The following IL1RAPL2 variants were observed in gnomAD, a reference collection of about 807,000 sequenced individuals.
IL1RAPL2 encodes interleukin 1 receptor accessory protein like 2.
In IL1RAPL2, 3 loss-of-function variants were observed where a neutral mutation model predicts 44.1. That is an observed-to-expected ratio of 0.07 (90% confidence interval 0.03 to 0.18). The LOEUF (loss-of-function observed/expected upper bound fraction) is 0.18, where lower values mean the gene tolerates loss of function less well. Among genes scored for constraint, IL1RAPL2 ranks in the 10% least tolerant of loss-of-function variants. The pLI is 1.00. For missense variants in IL1RAPL2, 391 were observed against 496.4 expected (o/e 0.79, Z 2.02); for synonymous variants, 181 against 178.8 (o/e 1.01, Z -0.10).
chrX:104,896,573 C>T (rs1009524554), intron 2 of IL1RAPL2, among the ~76,000 whole-genome samples: 5 of 111,492 alleles, frequency 4.5e-5, no homozygotes, highest in East Asian at 2.8e-4. Context: ...ATTTTAAACA[C>T]ACCAATCAGT....
At chrX:105,713,036 T>C (rs918576520) in intron 6 of IL1RAPL2, among the ~76,000 whole-genome samples, 3 of 112,380 alleles carry the variant, frequency 2.7e-5, no homozygotes, top group African/African-American at 9.7e-5. Flanking sequence ...AGGGGTGTGC[T>C]CCCATGGCCT....
At chrX:105,241,238 T>C (rs1456646654) in intron 4 of IL1RAPL2, among the ~76,000 whole-genome samples, 1 of 111,417 alleles carries the variant, frequency 9.0e-6, no homozygotes, top group Admixed American at 9.6e-5. Flanking sequence ...CTGTCAAATA[T>C]GTTAAATGTT....
chrX:105,467,099 A>G (rs985614552), intron 5 of IL1RAPL2, among the ~76,000 whole-genome samples: 3 of 111,806 alleles, frequency 2.7e-5, no homozygotes, highest in African/African-American at 9.7e-5. Flanking sequence ...TGAGTTCCTA[A>G]CACATGAACT....
chrX:104,885,158 T>C (rs1451698888), intron 2 of IL1RAPL2, among the ~76,000 whole-genome samples: 3 of 111,677 alleles, frequency 2.7e-5, no homozygotes, highest in Non-Finnish European at 5.6e-5. Flanking sequence ...ATGAAAAGAA[T>C]GTAGCTTCAG....
chrX:104,880,215 T>C (rs899394805), intron 2 of IL1RAPL2, among the ~76,000 whole-genome samples: 6 of 111,440 alleles, frequency 5.4e-5, no homozygotes, highest in Admixed American at 9.6e-5. Context: ...AATCTTAGAA[T>C]TGGGGACATA....
intron 5 of IL1RAPL2, among the ~76,000 whole-genome samples, chrX:105,339,020 T>A (rs762259190): frequency 9.0e-6 from 1 of 111,635 alleles, no homozygotes; most frequent in African/African-American, 3.3e-5. Flanking sequence ...AGAGAATCAC[T>A]TGAACCCAGG....
At chrX:105,751,879 T>C (rs2038599807) in intron 9 of IL1RAPL2, among the ~76,000 whole-genome samples, 1 of 111,961 alleles carries the variant, frequency 8.9e-6, no homozygotes, top group African/African-American at 3.2e-5. Flanking sequence ...CATTTCACTA[T>C]TGAAATATTT....
At chrX:104,573,827 GA>G (rs1444251198) in intron 1 of IL1RAPL2, among the ~76,000 whole-genome samples, 1 of 111,775 alleles carries the variant, frequency 8.9e-6, no homozygotes, top group African/African-American at 3.2e-5. Flanking sequence ...TGGATTTTAA[GA>G]AATGACAAAG....
In IL1RAPL2 at chrX:105,767,247, G is replaced by C. The variant is rs746060313; in HGVS notation, c.1647G>C (p.Trp549Cys). The C allele has an allele frequency of 2.5e-6, 3 of 1,210,129 alleles. No individual in the cohort carries two copies. Among genetic ancestry groups the C allele is most frequent in the Non-Finnish European group, 3.4e-6 (3 of 895,177 alleles). Reference protein sequence around the residue: ...SKSSKLNSKFWKHLVYEMPIK... With the variant: ...SKSSKLNSKFCKHLVYEMPIK... ...GCAGCAAATTAAATTCTAAGTTTTGGAAGCACTTAGTATATGAAATGCCCA... is the reference window on the plus strand; with the variant it reads ...GCAGCAAATTAAATTCTAAGTTTTGCAAGCACTTAGTATATGAAATGCCCA... The change falls in exon 11 of 11, where the codon TGG (tryptophan) becomes TGC (cysteine). Residue 549 changes from tryptophan (W) to cysteine (C), a missense_variant. Around this residue, in one of 2 missense-constraint regions of IL1RAPL2, gnomAD observed 232 missense variants for 244.8 expected, o/e 0.95. Coordinates refer to ENST00000372582, the MANE Select transcript of IL1RAPL2 (RefSeq NM_017416.2).
At chrX:105,028,466 T>G (rs1161749032) in intron 2 of IL1RAPL2, among the ~76,000 whole-genome samples, 1 of 111,670 alleles carries the variant, frequency 9.0e-6, no homozygotes, top group African/African-American at 3.2e-5. Flanking sequence ...ACACCTACTA[T>G]GTACCCAATC....
intron 2 of IL1RAPL2, among the ~76,000 whole-genome samples, chrX:104,839,620 G>A (rs1417741889): frequency 2.7e-5 from 3 of 111,952 alleles, no homozygotes; most frequent in Non-Finnish European, 5.6e-5. Context: ...TTAGGGAGGA[G>A]TCCCTCTTTT....
intron 6 of IL1RAPL2, among the ~76,000 whole-genome samples, chrX:105,627,717 T>G (rs1398832072): frequency 8.9e-6 from 1 of 111,977 alleles, no homozygotes; most frequent in African/African-American, 3.2e-5. Flanking sequence ...CCATTTGATA[T>G]CAGATCTATT....
intron 2 of IL1RAPL2, among the ~76,000 whole-genome samples, chrX:104,784,735 C>T (rs771193507): frequency 9.3e-6 from 1 of 107,009 alleles, no homozygotes; most frequent in Non-Finnish European, 1.9e-5. Context: ...GTAGAGTTAT[C>T]TAGTGTGTCT....
intron 6 of IL1RAPL2, among the ~76,000 whole-genome samples, chrX:105,618,441 TA>T (rs759223172): frequency 0.014 from 1,413 of 103,414 alleles, 26 homozygotes; most frequent in East Asian, 0.057. Flanking sequence ...AAGTTAAATT[TA>T]AAAAAAAAAA....
intron 2 of IL1RAPL2, among the ~76,000 whole-genome samples, chrX:105,033,179 T>C (rs766230644): frequency 3.6e-5 from 4 of 111,846 alleles, no homozygotes; most frequent in South Asian, 3.8e-4. Context: ...CTTTATCCAA[T>C]TTGCCAGTCT....
At chrX:104,894,433 G>T (rs1396368893) in intron 2 of IL1RAPL2, among the ~76,000 whole-genome samples, 1 of 111,950 alleles carries the variant, frequency 8.9e-6, no homozygotes, top group East Asian at 2.8e-4. Context: ...ATCAGATGTA[G>T]ATTTGGTCTT....
chrX:104,641,718 G>A (rs1410963695), intron 1 of IL1RAPL2, among the ~76,000 whole-genome samples: 2 of 110,893 alleles, frequency 1.8e-5, no homozygotes, highest in Non-Finnish European at 3.8e-5. Context: ...TCCCAAGACC[G>A]GCAGCTGCAG....
At chrX:105,066,989 G>T (rs921111166) in intron 2 of IL1RAPL2, among the ~76,000 whole-genome samples, 1 of 111,461 alleles carries the variant, frequency 9.0e-6, no homozygotes, top group Non-Finnish European at 1.9e-5. Flanking sequence ...TGGAACTGGT[G>T]AATTGGAAAG....
At chrX:104,976,754 G>C (rs1286270298) in intron 2 of IL1RAPL2, among the ~76,000 whole-genome samples, 1 of 110,869 alleles carries the variant, frequency 9.0e-6, no homozygotes, top group Non-Finnish European at 1.9e-5. Context: ...AAAAACCCCA[G>C]AGTATCTGTG....
Sources: allele counts gnomAD v4.1 joint callset (sites outside exome capture counted in the v4.1 genomes callset), GRCh38; gene constraint gnomAD v4.1.1; regional missense constraint gnomAD v4.1.1; transcripts MANE v1.5; gene names NCBI Gene and HGNC (gene_info 2026-07-23, HGNC 2026-07-21).